GRHL2: variants seen among roughly 807,000 people sequenced by gnomAD.
GRHL2 encodes grainyhead-like protein 2 homolog.
In GRHL2, 21 loss-of-function variants were observed where a neutral mutation model predicts 83.8. That is an observed-to-expected ratio of 0.25 (90% CI 0.18 to 0.36). The LOEUF (loss-of-function observed/expected upper bound fraction) is 0.36, where lower values mean the gene tolerates loss of function less well. Ranked by LOEUF, GRHL2 falls within the 10% of genes least tolerant of loss-of-function variation. GRHL2 has a pLI of 1.00. For missense variants in GRHL2, 623 were observed against 781.8 expected (o/e 0.80, Z 2.42); for synonymous variants, 280 against 278.9 (o/e 1.00, Z -0.04).
At chr8:101,666,518 G>A (rs1814061142) in intron 15 of GRHL2, 71 bp from the exon 16 acceptor site, 1 of 868,806 alleles carries the variant, frequency 1.2e-6, no homozygotes, top group Non-Finnish European at 2.0e-6. Flanking sequence ...CCCCAGCCTG[G>A]AGCTCCCCTT....
At chr8:101,558,154 C>G (rs539495597) in intron 3 of GRHL2, among the ~76,000 whole-genome samples, 1 of 152,100 alleles carries the variant, frequency 6.6e-6, no homozygotes, top group Non-Finnish European at 1.5e-5. Context: ...CATGAGGCAC[C>G]GCGCCTGGCC....
At chr8:101,597,807 G>A (rs1165582784) in intron 7 of GRHL2, among the ~76,000 whole-genome samples, 1 of 151,158 alleles carries the variant, frequency 6.6e-6, no homozygotes, top group East Asian at 1.9e-4. Context: ...TTGTGCACAT[G>A]TACCTTAAAA....
At chr8:101,570,752 A>T (rs1266125054) in intron 5 of GRHL2, among the ~76,000 whole-genome samples, 3 of 151,648 alleles carry the variant, frequency 2.0e-5, no homozygotes, top group Non-Finnish European at 2.9e-5. Flanking sequence ...TTCTGCTTTT[A>T]TTTCCTATTG....
intron 1 of GRHL2, among the ~76,000 whole-genome samples, chr8:101,507,372 TTC>T (rs1563555100): frequency 6.6e-6 from 1 of 152,186 alleles, no homozygotes; most frequent in Non-Finnish European, 1.5e-5. Flanking sequence ...TTAAATTTTT[TTC>T]TTTCATTTTA....
chr8:101,567,479 G>T (rs1190843694), intron 4 of GRHL2, among the ~76,000 whole-genome samples: 14 of 152,116 alleles, frequency 9.2e-5, no homozygotes, highest in Non-Finnish European at 1.8e-4. Flanking sequence ...ATGTAATCAG[G>T]TCTCATCTAA....
At chr8:101,655,195 A>G (rs902286434) in intron 14 of GRHL2, among the ~76,000 whole-genome samples, 245 of 151,660 alleles carry the variant, frequency 1.6e-3, no homozygotes, top group Non-Finnish European at 2.5e-3. Context: ...AAAAAAAAAA[A>G]AAGAAGAAGG....
chr8:101,551,866 T>C (rs1811386274), intron 2 of GRHL2, among the ~76,000 whole-genome samples: 1 of 150,830 alleles, frequency 6.6e-6, no homozygotes, highest in South Asian at 2.1e-4. Flanking sequence ...GACTGAGTCT[T>C]GCTCTGTCGC....
chr8:101,497,742 A>T (rs902327542), intron 1 of GRHL2, among the ~76,000 whole-genome samples: 16 of 152,206 alleles, frequency 1.1e-4, no homozygotes, highest in Non-Finnish European at 2.2e-4. Flanking sequence ...AATTAAACTT[A>T]ATGTTAGTTT....
intron 3 of GRHL2, among the ~76,000 whole-genome samples, chr8:101,555,280 G>C (rs962614284): frequency 2.0e-5 from 3 of 152,166 alleles, no homozygotes; most frequent in Non-Finnish European, 4.4e-5. Context: ...CTAACCTGTA[G>C]GGGCTTATCC....
chr8:101,611,989 T>C (rs1345037076), intron 8 of GRHL2, among the ~76,000 whole-genome samples: 1 of 150,858 alleles, frequency 6.6e-6, no homozygotes, highest in Non-Finnish European at 1.5e-5. Context: ...TTCTTCTTCT[T>C]TCTCTTTTTT....
At position 101,657,794 on chromosome 8, in the gene GRHL2, C is replaced by T. The variant is rs1586177696; in HGVS notation, c.1699-6660C>T. On this transcript the variant is annotated intron_variant, in intron 14 of 15. Transcript: ENST00000646743. ...GACGGAGCTTGCAGTGAGCGGAGAT[C>T]CCGCCACTGCACTCTAGCCTGGGCG... 2.6e-5 allele frequency among the ~76,000 whole-genome samples: 4 copies of T among 151,360 alleles called. No individual in the cohort carries two copies. The South Asian group carries it at 6.3e-4, about 24-fold the overall frequency.
At chr8:101,674,520 T>G (rs550305158), downstream of GRHL2, among the ~76,000 whole-genome samples, 1 of 152,214 alleles carries the variant, frequency 6.6e-6, no homozygotes, top group South Asian at 2.1e-4. Flanking sequence ...AGAAGTTGAA[T>G]CTCTGAATAG....
the GRHL2 span, among the ~76,000 whole-genome samples, chr8:101,677,267 T>C: frequency 6.6e-6 from 1 of 151,904 alleles, no homozygotes; most frequent in Non-Finnish European, 1.5e-5. Flanking sequence ...ACCTGCTTGA[T>C]CCCTGGCAGC....
chr8:101,610,244 C>A (rs1812721237), intron 8 of GRHL2, among the ~76,000 whole-genome samples: 1 of 151,102 alleles, frequency 6.6e-6, no homozygotes, highest in Non-Finnish European at 1.5e-5. Context: ...CAAATCAATT[C>A]TCCTTAATTA....
At chr8:101,499,504 G>A (rs1810179849) in intron 1 of GRHL2, among the ~76,000 whole-genome samples, 2 of 152,066 alleles carry the variant, frequency 1.3e-5, no homozygotes, top group African/African-American at 4.8e-5. Context: ...AGAGATAACG[G>A]TGAGTCTGAT....
chr8:101,532,741 G>A (rs560503372), intron 1 of GRHL2, among the ~76,000 whole-genome samples: 30 of 149,066 alleles, frequency 2.0e-4, no homozygotes, highest in African/African-American at 5.7e-4. Context: ...GGGACAGAGC[G>A]AGACTCCATC....
intron 7 of GRHL2, among the ~76,000 whole-genome samples, chr8:101,583,170 C>T (rs10099638): frequency 0.21 from 31,626 of 152,058 alleles, 5,673 homozygotes; most frequent in African/African-American, 0.49. Context: ...TAGATAACCA[C>T]TGGGGATTTT....
chr8:101,614,698 G>A (rs1420141719), intron 8 of GRHL2, among the ~76,000 whole-genome samples: 1 of 152,204 alleles, frequency 6.6e-6, no homozygotes, highest in Non-Finnish European at 1.5e-5. Flanking sequence ...TTTGCCTGCT[G>A]TGCATGGAGC....
intron 8 of GRHL2, among the ~76,000 whole-genome samples, chr8:101,603,710 A>G (rs1812565681): frequency 6.6e-6 from 1 of 152,190 alleles, no homozygotes; most frequent in African/African-American, 2.4e-5. Context: ...TTTCTGCACA[A>G]TGACACATGC....
Sources: allele counts gnomAD v4.1 joint callset (sites outside exome capture counted in the v4.1 genomes callset), GRCh38; gene constraint gnomAD v4.1.1; transcripts MANE v1.5; gene names NCBI Gene and HGNC (gene_info 2026-07-23, HGNC 2026-07-21).